The following HHIPL2 variants were observed in gnomAD, a reference collection of about 807,000 sequenced individuals.
The protein encoded by HHIPL2 is HHIP like 2.
In HHIPL2, 61 loss-of-function variants were observed where a neutral mutation model predicts 61.0. The observed-to-expected ratio is 1.00, with a 90% CI of 0.81 to 1.24. The LOEUF is 1.24. Ranked by LOEUF, HHIPL2 falls within the 50% of genes most tolerant of loss-of-function variation. The probability of loss-of-function intolerance (pLI) is 0.00; values close to 1 mark genes in which losing one functional copy is unlikely to be tolerated. For missense variants in HHIPL2, 885 were observed against 910.2 expected (o/e 0.97, Z 0.36); for synonymous variants, 343 against 357.4 (o/e 0.96, Z 0.45).
At chr1:222,538,066 A>C (rs1558129995) in intron 5 of HHIPL2, among the ~76,000 whole-genome samples, 1 of 152,190 alleles carries the variant, frequency 6.6e-6, no homozygotes, top group Admixed American at 6.5e-5. Flanking sequence ...ACATTGATGA[A>C]TCCCACAGAC....
In HHIPL2 at chr1:222,527,293, G is replaced by C. The variant is rs1204446217; in HGVS notation, c.1724-243C>G. Among the ~76,000 whole-genome samples the C allele has an allele frequency of 3.9e-5, 6 of 152,182 alleles. No individual in the cohort carries two copies. In the South Asian group the frequency reaches 1.0e-3, roughly 26 times the overall value. On this transcript the variant is annotated intron_variant, in intron 6 of 8. Coordinates refer to ENST00000343410, the MANE Select transcript of HHIPL2 (RefSeq NM_024746.4). ...TATGGCCTAGCAGAGGCAATTTCAC[G>C]TGTATGTTTGTTTATCAAACCAAAC...
chr1:222,523,668 T>C lies in HHIPL2; in HGVS notation c.1832A>G (p.Tyr611Cys). Residue 611 changes from tyrosine to cysteine, a missense_variant, in exon 8 of 9, where the codon TAC (tyrosine) becomes TGC (cysteine). Physicochemically the swap from Tyr to Cys is radical, Grantham distance 194. Coordinates refer to ENST00000343410, the MANE Select transcript of HHIPL2 (RefSeq NM_024746.4). ...CTTGGTTCTCACGGGCACTGGCTTG[T>C]ATTTGCACTTGCCTGGGGGTGCTCG... ...SRRAPPGKCK[Y>C]KPVPVRTKSK... is the part of the protein sequence containing the mutation. The C allele has an allele frequency of 3.7e-6, 6 of 1,614,152 alleles. No individual in the cohort carries two copies. The highest frequency in any genetic ancestry group is 5.1e-6 in the Non-Finnish European group (6 of 1,180,016).
rs80091420 is a variant in HHIPL2 at position 222,528,173 on chromosome 1, A to G, written c.1724-1123T>C. On this transcript the variant is annotated intron_variant, in intron 6 of 8. Coordinates refer to ENST00000343410, the MANE Select transcript of HHIPL2 (RefSeq NM_024746.4). Reference sequence around the variant, plus strand: ...CCCAGTGGAGAGTCCCAGAAGTCTGATTTGATTTCTGATAACACCAGTTCC... The same window carrying G: ...CCCAGTGGAGAGTCCCAGAAGTCTGGTTTGATTTCTGATAACACCAGTTCC... Among the ~76,000 whole-genome samples the G allele has an allele frequency of 6.6e-3, 1,005 of 152,262 alleles. 27 individuals carry two copies. In the East Asian group the frequency reaches 0.1, roughly 15 times the overall value.
chr1:222,523,801 C>T, intron 7 of HHIPL2, 107 bp from the exon 8 acceptor site: 1 of 998,516 alleles, frequency 1.0e-6, no homozygotes, highest in South Asian at 1.4e-5. Context: ...TCAGCCTTTA[C>T]TTATCCATGG....
rs778881016 is a variant in HHIPL2, at chr1:222,532,002, T to A, written c.1687A>T (p.Ser563Cys). The A allele has an allele frequency of 1.2e-5, 19 of 1,611,622 alleles. No individual in the cohort carries two copies. The East Asian group carries it at 4.2e-4, about 36-fold the overall frequency. ...TCAGCAAAGGAGATGATGAACTTGC[T>A]ATGGGTGCTGATCAGCCCTGGGAAG... ...CAFPGLISTH[S>C]KFIISFAEDE... is the part of the protein sequence containing the mutation. Residue 563 changes from serine (S) to cysteine (C), a missense_variant, in exon 6 of 9, where the codon AGC becomes TGC. Ser to Cys is a moderately radical substitution (Grantham distance 112). Coordinates refer to ENST00000343410, the MANE Select transcript of HHIPL2 (RefSeq NM_024746.4).
At chr1:222,536,886 C>CA (rs1398667076) in intron 5 of HHIPL2, among the ~76,000 whole-genome samples, 44 of 140,016 alleles carry the variant, frequency 3.1e-4, no homozygotes, top group Admixed American at 6.4e-4. Context: ...TCCATCTCTA[C>CA]AAAAAAAAAA....
At position 222,540,064 on chromosome 1, in the gene HHIPL2, C is replaced by T. The variant is rs138251615; in HGVS notation, c.1396G>A (p.Ala466Thr). The T allele has an allele frequency of 1.5e-5, 24 of 1,614,276 alleles. No homozygotes were observed. Among genetic ancestry groups the T allele is most frequent in the South Asian group, 8.8e-5 (8 of 91,088 alleles). The change falls in exon 4 of 9, where the codon GCA (alanine) becomes ACA (threonine). Residue 466 changes from alanine (A) to threonine (T), a missense_variant. By Grantham distance (58) the Ala-to-Thr change is moderately conservative. Coordinates refer to ENST00000343410, the MANE Select transcript of HHIPL2 (RefSeq NM_024746.4). Reference sequence around the variant, plus strand: ...TCATAACATGCAAACCCTTCCTTTGCTCTCCAGCCATAGTTTCCACCTTTC... The same window carrying T: ...TCATAACATGCAAACCCTTCCTTTGTTCTCCAGCCATAGTTTCCACCTTTC... ...ILKGGNYGWR[A>T]KEGFACYDKK... is the part of the protein sequence containing the mutation.
intron 1 of HHIPL2, among the ~76,000 whole-genome samples, chr1:222,545,706 T>A (rs1404720824): frequency 6.6e-6 from 1 of 151,918 alleles, no homozygotes; most frequent in East Asian, 1.9e-4. Context: ...AACAGATACT[T>A]CCCTACTTCA....
intron 1 of HHIPL2, among the ~76,000 whole-genome samples, chr1:222,544,866 T>TTG (rs1305375786): frequency 6.6e-6 from 1 of 152,250 alleles, no homozygotes; most frequent in African/African-American, 2.4e-5. Context: ...GATGTATCAC[T>TTG]CTCAGAGATT....
rs3748664 is a variant in HHIPL2, at chr1:222,540,161, C to T, written c.1299G>A (p.Thr433=). 12 of 1,614,148 alleles carry T rather than the reference C, an allele frequency of 7.4e-6. No individual in the cohort carries two copies. The highest frequency in any genetic ancestry group is 2.2e-5 in the South Asian group (2 of 91,084). ...AGAATATCCGGCCTCGGCCCTGGCG[C>T]GTGATGGGGTCCCCTCGGTCCACAG... ...RCAVDRGDPI[T]RQGRGRIFCG... The change falls in exon 4 of 9, where the codon ACG becomes ACA. Residue 433 remains threonine, a synonymous_variant. Transcript: ENST00000343410.
chr1:222,538,837 A>G (rs1400185486), intron 4 of HHIPL2, 63 bp from the exon 5 acceptor site: 11 of 1,577,454 alleles, frequency 7.0e-6, no homozygotes, highest in African/African-American at 1.4e-5. Context: ...TCAAGGAGGA[A>G]GAAGGGGACT....
intron 6 of HHIPL2, among the ~76,000 whole-genome samples, chr1:222,530,096 G>T (rs17163152): frequency 0.42 from 64,299 of 151,878 alleles, 14,359 homozygotes; most frequent in African/African-American, 0.58. Flanking sequence ...TTGGGAACAC[G>T]TTGGCAAGTC....
At chr1:222,536,389 C>T (rs1299894654) in intron 5 of HHIPL2, among the ~76,000 whole-genome samples, 4 of 152,038 alleles carry the variant, frequency 2.6e-5, no homozygotes, top group South Asian at 2.1e-4. Flanking sequence ...CATTTGACAA[C>T]GTAGACAAAC....
At position 222,543,928 on chromosome 1, in the gene HHIPL2, C is replaced by T. The variant is rs1482511406; in HGVS notation, c.583G>A (p.Gly195Ser). 1 of 1,614,046 alleles carries T rather than the reference C, an allele frequency of 6.2e-7. No homozygotes were observed. Among genetic ancestry groups the T allele is most frequent in the African/African-American group, 1.3e-5 (1 of 74,908 alleles). Residue 195 changes from glycine to serine, a missense_variant, in exon 2 of 9, where the codon GGC becomes AGC. Transcript: ENST00000343410. ...LRNDYLNRHL[G>S]MVAQDPQGCL... ...CCCTGAGGATCTTGGGCCACCATGC[C>T]CAGGTGGCGGTTGAGATAGTCGTTC...
At chr1:222,545,545 G>A (rs925975908) in intron 1 of HHIPL2, among the ~76,000 whole-genome samples, 2 of 152,052 alleles carry the variant, frequency 1.3e-5, no homozygotes, top group Non-Finnish European at 2.9e-5. Flanking sequence ...CACTCTCGGA[G>A]ACTGGGAAAA....
intron 2 of HHIPL2, among the ~76,000 whole-genome samples, chr1:222,542,924 C>A (rs1284885405): frequency 6.6e-6 from 1 of 152,208 alleles, no homozygotes. Flanking sequence ...TACCAGAATG[C>A]TCCATCCCTT....
chr1:222,543,859 T>G lies in HHIPL2; in HGVS notation c.652A>C (p.Asn218His), dbSNP rs911230051. The change falls in exon 2 of 9, where the codon AAC (asparagine) becomes CAC (histidine). Residue 218 changes from asparagine to histidine, a missense_variant. Asn to His is a moderately conservative substitution (Grantham distance 68). Transcript: ENST00000343410. Reference protein sequence around the residue: ...CLSEVANGLRNPVSMVHAGDG... With the variant: ...CLSEVANGLRHPVSMVHAGDG... ...CCAGCATGGACCATGGAGACGGGGT[T>G]CCTCAGCCCGTTGGCCACCTCGCTC... 1.9e-6 allele frequency: 3 copies of G among 1,614,026 alleles called. No individual in the cohort carries two copies. The highest frequency in any genetic ancestry group is 2.5e-6 in the Non-Finnish European group (3 of 1,180,020).
chr1:222,544,290 A>G lies in HHIPL2; in HGVS notation c.322-101T>C, dbSNP rs951403204. The G allele has an allele frequency of 2.3e-6, 3 of 1,324,002 alleles. No individual in the cohort carries two copies. The African/African-American group carries it at 4.4e-5, about 19-fold the overall frequency. 82.0% of individuals were successfully genotyped at this position (1,324,002 alleles called of 1,614,324 possible). ...GAAAGAAAAAATGGTGCTAGGCGGA[A>G]AAAATCAGGATTTTGGAGTTTTTGT... On this transcript the variant is annotated intron_variant, in intron 1 of 8. Transcript: ENST00000343410.
chr1:222,531,863 ATAG>A (rs1659198947), intron 6 of HHIPL2, 100 bp downstream of exon 6: 3 of 1,018,718 alleles, frequency 2.9e-6, no homozygotes, highest in Admixed American at 2.7e-5. Flanking sequence ...GATAGTGATC[ATAG>A]TAGAAGTGAT....
Sources: gnomAD v4.1 joint callset for allele counts (sites outside exome capture counted in the v4.1 genomes callset) on GRCh38, gnomAD v4.1.1 for gene constraint, MANE v1.5 for transcripts, NCBI Gene and HGNC (gene_info 2026-07-23, HGNC 2026-07-21) for gene names.